SLC22A25: variants seen among roughly 807,000 people sequenced by gnomAD.
SLC22A25 encodes MGI:2442751, MGI:2385316, MGI:3042283, MGI:3645714, MGI:3605624, MGI:2442750.
Under a neutral mutation model 45.9 loss-of-function variants are expected in SLC22A25, and 44 were observed. That is an observed-to-expected ratio of 0.96 (90% confidence interval 0.75 to 1.23). SLC22A25 has a LOEUF of 1.23. Ranked by LOEUF, SLC22A25 falls within the 50% of genes most tolerant of loss-of-function variation. The pLI, the probability that SLC22A25 is intolerant of heterozygous loss-of-function variation, is 0.00. For synonymous variants in SLC22A25, 283 were observed against 238.6 expected (o/e 1.19, Z -1.72); for missense variants, 800 against 666.4 (o/e 1.20, Z -2.21).
chr11:63,189,647 C>T (rs1452631137), intron 7 of SLC22A25, among the ~76,000 whole-genome samples: 1 of 152,148 alleles, frequency 6.6e-6, no homozygotes, highest in Non-Finnish European at 1.5e-5. Flanking sequence ...CATCGATGGT[C>T]TTTACAATTT....
chr11:63,189,856 A>G (rs2088727819), intron 7 of SLC22A25, among the ~76,000 whole-genome samples: 1 of 152,080 alleles, frequency 6.6e-6, no homozygotes, highest in Non-Finnish European at 1.5e-5. Flanking sequence ...TTTCTTTAAG[A>G]ACGTTGAATA....
At chr11:63,200,471 A>C (rs1304081725) in intron 7 of SLC22A25, among the ~76,000 whole-genome samples, 1 of 152,068 alleles carries the variant, frequency 6.6e-6, no homozygotes, top group South Asian at 2.1e-4. Context: ...ATATTAAAAA[A>C]AACTGTCAAT....
intron 7 of SLC22A25, among the ~76,000 whole-genome samples, chr11:63,193,456 C>G (rs942868392): frequency 1.3e-5 from 2 of 152,202 alleles, no homozygotes; most frequent in Non-Finnish European, 2.9e-5. Flanking sequence ...GATCAGGAAG[C>G]AACATTTGCT....
chr11:63,186,447 C>T (rs2088549980), intron 7 of SLC22A25, among the ~76,000 whole-genome samples: 1 of 150,630 alleles, frequency 6.6e-6, no homozygotes, highest in African/African-American at 2.4e-5. Context: ...GATATTAGCC[C>T]TTTGTCAGAT....
chr11:63,220,112 CT>C, intron 5 of SLC22A25: 5 of 905,476 alleles, frequency 5.5e-6, no homozygotes, highest in Non-Finnish European at 7.8e-6. Flanking sequence ...GATTACTTAC[CT>C]TTTGTTGTAA....
rs370163289 is a variant in SLC22A25 at position 63,166,217 on chromosome 11, A to G, written c.1112T>C (p.Leu371Pro). The part of the protein sequence containing the change: ...TIPFWGLTLH[L>P]QHLGNNVFLL... The stretch of plus-strand genomic sequence containing the variant: ...GAAAACATTGTTTCCCAGATGCTGG[A>G]GGTGCAAAGTAAGGCCCCAAAAAGG... The change falls in exon 10 of 12, where the codon CTC becomes CCC. Residue 371 changes from leucine to proline, a missense_variant. By Grantham distance (98) the Leu-to-Pro change is moderately conservative. Coordinates refer to ENST00000306494, the MANE Select transcript of SLC22A25 (RefSeq NM_199352.6). 145 of 1,613,888 alleles carry G rather than the reference A, an allele frequency of 9.0e-5. No individual in the cohort carries two copies. The highest frequency in any genetic ancestry group is 1.8e-4 in the Admixed American group (11 of 59,966).
intron 7 of SLC22A25, among the ~76,000 whole-genome samples, chr11:63,194,141 C>A (rs2088916528): frequency 6.6e-6 from 1 of 152,028 alleles, no homozygotes; most frequent in Non-Finnish European, 1.5e-5. Context: ...ATGAACAACG[C>A]CTCCAAGAAA....
intron 7 of SLC22A25, among the ~76,000 whole-genome samples, chr11:63,186,172 T>C (rs2088535018): frequency 8.5e-6 from 1 of 117,092 alleles, no homozygotes. Context: ...AGTGTAAAAG[T>C]GTTCCTATTT....
chr11:63,206,190 G>A (rs1382709135), intron 7 of SLC22A25, among the ~76,000 whole-genome samples: 6 of 152,152 alleles, frequency 3.9e-5, no homozygotes, highest in African/African-American at 4.8e-5. Context: ...TACTAAATGG[G>A]CAAAAGCTGG....
chr11:63,217,856 C>T (rs888301477), intron 5 of SLC22A25, 121 bp from the exon 6 acceptor site: 10 of 1,195,246 alleles, frequency 8.4e-6, no homozygotes, highest in South Asian at 1.6e-5. Context: ...ACACTTAAAA[C>T]GTTAAAGAAT....
intron 7 of SLC22A25, among the ~76,000 whole-genome samples, chr11:63,189,144 G>C (rs894436782): frequency 2.0e-5 from 3 of 152,148 alleles, no homozygotes; most frequent in African/African-American, 4.8e-5. Context: ...TGACAGTGGG[G>C]TGTTAAAGTC....
intron 5 of SLC22A25, among the ~76,000 whole-genome samples, chr11:63,226,387 C>T (rs543019258): frequency 8.5e-5 from 13 of 152,344 alleles, no homozygotes; most frequent in African/African-American, 2.9e-4. Flanking sequence ...CATAGTAATG[C>T]TGTAGTTCTT....
At chr11:63,243,207 C>T in intron 1 of SLC22A25, 1 of 265,076 alleles carries the variant, frequency 3.8e-6, no homozygotes, top group South Asian at 4.8e-5. Flanking sequence ...TTCAGTAATG[C>T]TCCTACTTCA....
rs58796906 is a variant in SLC22A25, at chr11:63,220,043, G to A, written c.507-2308C>T. 4.5e-4 allele frequency: 576 copies of A among 1,281,644 alleles called. 6 individuals are homozygous for A. In the African/African-American group the frequency reaches 7.4e-3, roughly 16 times the overall value. The allele number at this position is 1,281,644 out of a possible 1,614,324, so 79.4% of individuals were successfully genotyped here. On this transcript the variant is annotated intron_variant, in intron 5 of 11. Transcript: ENST00000306494. ...TTTCCTGCCATTTCAGAAGACATAC[G>A]GTAAGTTAGAGGGTACCCCAAACTT...
At chr11:63,180,252 T>C (rs910432535) in intron 9 of SLC22A25, among the ~76,000 whole-genome samples, 1 of 152,162 alleles carries the variant, frequency 6.6e-6, no homozygotes, top group Non-Finnish European at 1.5e-5. Context: ...TCCCAGTGTT[T>C]TAGAATTTTT....
rs1288480573 is a variant in SLC22A25 at position 63,159,279 on chromosome 11, A to G, written c.*4545T>C. On this transcript the variant is annotated 3_prime_UTR_variant, in exon 12 of 12. Coordinates refer to ENST00000306494, the MANE Select transcript of SLC22A25 (RefSeq NM_199352.6). ...TTTCTTTTGGGTATATGCCTTTGAT[A>G]TGATTTGGCTGCACCCCCACCCAAA... Among the ~76,000 whole-genome samples the G allele has an allele frequency of 6.6e-6, 1 of 152,080 alleles. No homozygotes were observed. The highest frequency in any genetic ancestry group is 2.4e-5 in the African/African-American group (1 of 41,398).
intron 9 of SLC22A25, among the ~76,000 whole-genome samples, chr11:63,169,597 A>T (rs983441713): frequency 2.0e-5 from 3 of 152,248 alleles, no homozygotes; most frequent in Non-Finnish European, 2.9e-5. Context: ...AAAGGAATCA[A>T]TGCAACAAGA....
intron 7 of SLC22A25, among the ~76,000 whole-genome samples, chr11:63,194,628 A>G (rs895924844): frequency 2.6e-5 from 4 of 152,120 alleles, no homozygotes; most frequent in Admixed American, 6.6e-5. Flanking sequence ...TGTAAAGACC[A>G]TCGATGCTAG....
At chr11:63,197,982 C>A (rs573087486) in intron 7 of SLC22A25, among the ~76,000 whole-genome samples, 10 of 152,178 alleles carry the variant, frequency 6.6e-5, no homozygotes, top group Non-Finnish European at 1.0e-4. Context: ...AAATGCTCAT[C>A]ATCACTGGCC....
Sources: allele counts gnomAD v4.1 joint callset (sites outside exome capture counted in the v4.1 genomes callset), GRCh38; gene constraint gnomAD v4.1.1; transcripts MANE v1.5; gene names NCBI Gene and HGNC (gene_info 2026-07-23, HGNC 2026-07-21).